The following EYS variants were observed in gnomAD, a reference collection of about 807,000 sequenced individuals.
EYS encodes the protein EGF-like photoreceptor maintenance factor.
Under a neutral mutation model 282.1 loss-of-function variants are expected in EYS, and 250 were observed. The ratio of observed to expected loss-of-function variants is 0.89; its 90% CI spans 0.80 to 0.98. The LOEUF (loss-of-function observed/expected upper bound fraction) is 0.98. Ranked by LOEUF, EYS falls within the 50% of genes least tolerant of loss-of-function variation. The pLI is 0.00. For synonymous variants in EYS, 1,355 were observed against 1,282.9 expected (o/e 1.06, Z -1.20); for missense variants, 4,016 against 3,709.0 (o/e 1.08, Z -2.15).
At chr6:64,209,256 T>C (rs114952655) in intron 31 of EYS, among the ~76,000 whole-genome samples, 4,123 of 152,200 alleles carry the variant, frequency 0.027, 56 homozygotes, top group African/African-American at 0.042. Flanking sequence ...TACATATTTT[T>C]CCTAGTAATA....
chr6:64,038,145 G>A (rs1369688711), intron 33 of EYS, among the ~76,000 whole-genome samples: 1 of 152,046 alleles, frequency 6.6e-6, no homozygotes, highest in Admixed American at 6.6e-5. Flanking sequence ...TTGAGGCTGG[G>A]GGTTAAGTGG....
At chr6:64,193,555 G>T (rs1262601378) in intron 31 of EYS, among the ~76,000 whole-genome samples, 3 of 151,854 alleles carry the variant, frequency 2.0e-5, no homozygotes, top group African/African-American at 7.3e-5. Flanking sequence ...CAACCTGCAG[G>T]TTTGTTACAT....
chr6:65,347,573 G>A (rs72884892), intron 9 of EYS, among the ~76,000 whole-genome samples: 1 of 118,778 alleles, frequency 8.4e-6, no homozygotes, highest in African/African-American at 3.1e-5. Context: ...TTTTTTTTTT[G>A]TTTTTCCCTT....
intron 33 of EYS, among the ~76,000 whole-genome samples, chr6:64,056,379 G>C (rs982833713): frequency 1.3e-5 from 2 of 152,166 alleles, no homozygotes; most frequent in Non-Finnish European, 2.9e-5. Flanking sequence ...CCAAGTATCA[G>C]ATTCGCCTGT....
chr6:64,928,886 T>A (rs1484360070), intron 15 of EYS, among the ~76,000 whole-genome samples: 2 of 152,098 alleles, frequency 1.3e-5, no homozygotes, highest in Admixed American at 1.3e-4. Context: ...TCTATGCAGT[T>A]CTGTGAATAA....
At chr6:65,082,362 T>C (rs1774251879) in intron 12 of EYS, among the ~76,000 whole-genome samples, 1 of 151,986 alleles carries the variant, frequency 6.6e-6, no homozygotes, top group Non-Finnish European at 1.5e-5. Context: ...ATATTAAAAA[T>C]ACAAAACCAT....
At chr6:64,925,768 A>ACATT (rs1268781544) in intron 15 of EYS, among the ~76,000 whole-genome samples, 2 of 152,076 alleles carry the variant, frequency 1.3e-5, no homozygotes, top group Non-Finnish European at 2.9e-5. Context: ...GGGTTGTAGA[A>ACATT]CATTCAGTGG....
chr6:65,154,634 A>G (rs1764691318), intron 12 of EYS, among the ~76,000 whole-genome samples: 1 of 151,660 alleles, frequency 6.6e-6, no homozygotes, highest in Non-Finnish European at 1.5e-5. Flanking sequence ...TGAGAAGAGC[A>G]GGAGAACTTT....
At chr6:65,412,019 G>A (rs371652651) in intron 5 of EYS, among the ~76,000 whole-genome samples, 2 of 151,936 alleles carry the variant, frequency 1.3e-5, no homozygotes, top group African/African-American at 4.8e-5. Context: ...TGGGAATTTT[G>A]GGATGTAATT....
At chr6:64,539,990 T>C (rs954469937) in intron 26 of EYS, among the ~76,000 whole-genome samples, 1 of 152,204 alleles carries the variant, frequency 6.6e-6, no homozygotes, top group African/African-American at 2.4e-5. Flanking sequence ...AAAAGTTTCC[T>C]CCTACTCTGA....
intron 2 of EYS, among the ~76,000 whole-genome samples, chr6:65,564,117 G>C (rs1002763909): frequency 6.6e-6 from 1 of 151,996 alleles, no homozygotes; most frequent in Non-Finnish European, 1.5e-5. Flanking sequence ...TCAAGGAAAT[G>C]AGAGAGGACA....
At chr6:64,747,841 C>A (rs890473745) in intron 22 of EYS, among the ~76,000 whole-genome samples, 4 of 152,132 alleles carry the variant, frequency 2.6e-5, no homozygotes, top group Non-Finnish European at 5.9e-5. Context: ...CCTTCTTTAT[C>A]TTTTACAAAG....
At chr6:63,972,827 G>A (rs1283488335) in intron 35 of EYS, among the ~76,000 whole-genome samples, 2 of 152,016 alleles carry the variant, frequency 1.3e-5, no homozygotes, top group African/African-American at 2.4e-5. Flanking sequence ...AGAGAATGAT[G>A]GTTTCCAGCT....
chr6:64,352,846 C>A (rs756466879), intron 29 of EYS, among the ~76,000 whole-genome samples: 7 of 151,480 alleles, frequency 4.6e-5, no homozygotes, highest in African/African-American at 7.3e-5. Context: ...TCTCCATCAA[C>A]CTTATCTTCT....
At chr6:63,852,141 A>C (rs1404574332) in intron 36 of EYS, among the ~76,000 whole-genome samples, 2 of 117,318 alleles carry the variant, frequency 1.7e-5, no homozygotes, top group African/African-American at 6.4e-5. Flanking sequence ...TGGGCGACAG[A>C]GCGAGACTCT....
chr6:63,895,316 A>G (rs528325622), intron 35 of EYS, among the ~76,000 whole-genome samples: 6 of 152,324 alleles, frequency 3.9e-5, no homozygotes, highest in African/African-American at 1.2e-4. Flanking sequence ...ATTACTGTAC[A>G]ATATAAGAGA....
At chr6:65,460,687 G>A (rs908338013) in intron 5 of EYS, among the ~76,000 whole-genome samples, 2 of 151,960 alleles carry the variant, frequency 1.3e-5, no homozygotes, top group Non-Finnish European at 1.5e-5. Flanking sequence ...CATTTATTCC[G>A]GTAATATCTA....
At chr6:65,415,047 C>G (rs1334779184) in intron 5 of EYS, among the ~76,000 whole-genome samples, 3 of 151,946 alleles carry the variant, frequency 2.0e-5, no homozygotes, top group Non-Finnish European at 4.4e-5. Context: ...CAAAATTTGT[C>G]AAATACTGCA....
intron 31 of EYS, among the ~76,000 whole-genome samples, 152 bp downstream of exon 31, chr6:64,230,440 A>T (rs1405804450): frequency 6.6e-6 from 1 of 152,236 alleles, no homozygotes; most frequent in Non-Finnish European, 1.5e-5. Context: ...AACTGAAAGT[A>T]TTCGATCAGA....
Sources: allele counts gnomAD v4.1 joint callset (sites outside exome capture counted in the v4.1 genomes callset), GRCh38; gene constraint gnomAD v4.1.1; transcripts MANE v1.5; gene names NCBI Gene and HGNC (gene_info 2026-07-23, HGNC 2026-07-21).